The following MYH8 variants were observed in gnomAD, a reference collection of about 807,000 sequenced individuals.
The protein encoded by MYH8 is myosin-8.
Under a neutral mutation model 233.2 loss-of-function variants are expected in MYH8, and 168 were observed. That is an observed-to-expected ratio of 0.72 (90% CI 0.64 to 0.82). The LOEUF (loss-of-function observed/expected upper bound fraction) is 0.82, where lower values mean the gene tolerates loss of function less well. MYH8 is among the 40% of genes least tolerant of loss of function. The pLI, the probability that MYH8 is intolerant of heterozygous loss-of-function variation, is 0.00. For synonymous variants in MYH8, 785 were observed against 850.6 expected (o/e 0.92, Z 1.34); for missense variants, 1,995 against 2,327.8 (o/e 0.86, Z 2.94).
Position 10,404,544 on chromosome 17 carries a change from A to G in MYH8, c.2474T>C (p.Met825Thr). 6.2e-7 allele frequency: 1 copy of G among 1,614,046 alleles called. No homozygotes were observed. The highest frequency in any genetic ancestry group is 8.5e-7 in the Non-Finnish European group (1 of 1,179,930). The change falls in exon 22 of 40, where the codon ATG becomes ACG. Residue 825 changes from methionine to threonine, a missense_variant. This residue lies in a region of MYH8 where 1,498 missense variants were observed against 1,680.9 expected (regional missense o/e 0.89). Transcript: ENST00000403437. ...FCIQYNVRAF[M>T]NVKHWPWMKL... The stretch of plus-strand genomic sequence containing the variant: ...CATCCAGGGCCAGTGCTTGACGTTC[A>G]TGAAGGCACGGACATTATACTGGAT...
Position 10,400,734 on chromosome 17 carries a change from A to G in MYH8, c.3391T>C (p.Ser1131Pro), listed in dbSNP as rs1335919613. 1 of 1,613,936 alleles carries G rather than the reference A, an allele frequency of 6.2e-7. No homozygotes were observed. The highest frequency in any genetic ancestry group is 1.1e-5 in the South Asian group (1 of 91,062). ...LGEEIEAERA[S>P]RAKAEKQRSD... ...CGCTGCTTCTCCGCTTTGGCTCGGGACGCCCTCTCTGCCTCGATTTCTTCC... is the reference window on the plus strand; with the variant it reads ...CGCTGCTTCTCCGCTTTGGCTCGGGGCGCCCTCTCTGCCTCGATTTCTTCC... Residue 1131 changes from serine (S) to proline (P), a missense_variant, in exon 27 of 40, where the codon TCC becomes CCC. Transcript: ENST00000403437. This position sits in a 1 kb window ranked among gnomAD's most constrained non-coding sequence, Gnocchi z 4.0.
In MYH8 at chr17:10,415,618, T is replaced by C. The variant is rs1339730387; in HGVS notation, c.540-38A>G. 6.2e-7 allele frequency: 1 copy of C among 1,613,678 alleles called. No homozygotes were observed. Among genetic ancestry groups the C allele is most frequent in the Non-Finnish European group, 8.5e-7 (1 of 1,179,560 alleles). ...AATCAGAGAAGAGATCAGAGAACTA[T>C]GGCCTGCATTGTCAACATCTAAGAC... On this transcript the variant is annotated intron_variant, in intron 6 of 39. Coordinates refer to ENST00000403437, the MANE Select transcript of MYH8 (RefSeq NM_002472.3). This position sits in a 1 kb window ranked among gnomAD's most constrained non-coding sequence, Gnocchi z 4.1.
chr17:10,398,743 C>CA (rs2072103492), intron 29 of MYH8, 25 bp downstream of exon 29: 1 of 1,613,688 alleles, frequency 6.2e-7, no homozygotes, highest in Non-Finnish European at 8.5e-7. Flanking sequence ...TTTGGTTAGT[C>CA]AAAAAAATCC....
At chr17:10,404,052 T>C (rs891472368) in intron 22 of MYH8, among the ~76,000 whole-genome samples, 1 of 152,200 alleles carries the variant, frequency 6.6e-6, no homozygotes, top group Admixed American at 6.5e-5. Context: ...GGGTAAAATA[T>C]TTGACTGAGA....
chr17:10,393,990 G>GTTTTTTT (rs2072053973), intron 35 of MYH8, among the ~76,000 whole-genome samples: 1 of 57,032 alleles, frequency 1.8e-5, no homozygotes, highest in African/African-American at 7.5e-5. Context: ...AAAAGTAATA[G>GTTTTTTT]CTTTTTTTTT....
At position 10,406,770 on chromosome 17, in the gene MYH8, C is replaced by A. The variant is rs145148429; in HGVS notation, c.2091G>T (p.Arg697Ser). Reference protein sequence around the residue: ...MEHELVLHQLRCNGVLEGIRI... With the variant: ...MEHELVLHQLSCNGVLEGIRI... ...GGATGCCTTCCAGCACACCATTACA[C>A]CTCAGCTGGTGCAACACAAGTTCAT... is the stretch of plus-strand genomic sequence containing the variant. The change falls in exon 19 of 40, where the codon AGG becomes AGT. Residue 697 changes from arginine (R) to serine (S), a missense_variant. By Grantham distance (110) the Arg-to-Ser change is moderately radical. This residue lies in a region of MYH8 where 1,498 missense variants were observed against 1,680.9 expected (regional missense o/e 0.89). Transcript: ENST00000403437. 2.8e-5 allele frequency: 45 copies of A among 1,614,158 alleles called. No individual in the cohort carries two copies. In the African/African-American group the frequency reaches 6.0e-4, roughly 22 times the overall value.
rs1377164657 is a variant in MYH8 at position 10,400,498 on chromosome 17, C to G, written c.3627G>C (p.Gln1209His). ...HADSMAELGE[Q>H]IDNLQRVKQK... ...GTTTGACCCGCTGCAAGTTGTCAAT[C>G]TGCTCCCCAAGCTCAGCCATACTGT... The change falls in exon 27 of 40, where the codon CAG (glutamine) becomes CAC (histidine). Residue 1209 changes from glutamine (Q) to histidine (H), a missense_variant. Physicochemically the swap from Gln to His is conservative, Grantham distance 24. Coordinates refer to ENST00000403437, the MANE Select transcript of MYH8 (RefSeq NM_002472.3). This position sits in a 1 kb window ranked among gnomAD's most constrained non-coding sequence, Gnocchi z 4.0. The G allele has an allele frequency of 6.2e-7, 1 of 1,614,222 alleles. No homozygotes were observed. Among genetic ancestry groups the G allele is most frequent in the Non-Finnish European group, 8.5e-7 (1 of 1,180,036 alleles).
In MYH8 at chr17:10,406,668, A is replaced by G. The variant is rs558308719; in HGVS notation, c.2171+22T>C. On this transcript the variant is annotated intron_variant, in intron 19 of 39. Transcript: ENST00000403437. ...TACATACTAATTCACAGTGTTAATG[A>G]AATACATCAAAGAAGACTGACCTTT... 8 of 1,587,338 alleles carry G rather than the reference A, an allele frequency of 5.0e-6. No individual in the cohort carries two copies. In the African/African-American group the frequency reaches 1.1e-4, roughly 21 times the overall value.
chr17:10,412,816 A>G (rs2072256374), intron 12 of MYH8, 88 bp from the exon 13 acceptor site: 1 of 1,228,002 alleles, frequency 8.1e-7, no homozygotes, highest in African/African-American at 1.5e-5. Flanking sequence ...TCAATCTATT[A>G]TTTAAATAAA....
In MYH8 at chr17:10,420,274, C is replaced by A. The variant is rs562918986; in HGVS notation, c.-30-17G>T. 4 of 1,594,938 alleles carry A rather than the reference C, an allele frequency of 2.5e-6. No homozygotes were observed. Among genetic ancestry groups the A allele is most frequent in the Middle Eastern group, 4.4e-4 (2 of 4,502 alleles). ...GGATTCTGCCTAGGGAGGAGAGAAA[C>A]GGGAGAGAGAGATATAAAAAGCAGA... On this transcript the variant is annotated splice_polypyrimidine_tract_variant and intron_variant, in intron 2 of 39. Coordinates refer to ENST00000403437, the MANE Select transcript of MYH8 (RefSeq NM_002472.3).
At position 10,390,554 on chromosome 17, in the gene MYH8, T is replaced by G. The variant is rs777135750; in HGVS notation, c.5714A>C (p.Glu1905Ala). The change falls in exon 40 of 40, where the codon GAG (glutamate) becomes GCG (alanine). Residue 1905 changes from glutamate (E) to alanine (A), a missense_variant. Transcript: ENST00000403437. ...AGCCCGTTCCTCGGCCTCCTCCAGC[T>G]CATGCTGGAGTTTGCGGAATTTAGA... ...NLSKFRKLQH[E>A]LEEAEERADI... The G allele has an allele frequency of 3.1e-6, 5 of 1,614,050 alleles. No homozygotes were observed. In the South Asian group the frequency reaches 5.5e-5, roughly 18 times the overall value.
At chr17:10,391,356 C>A (rs559954185) in intron 39 of MYH8, among the ~76,000 whole-genome samples, 89 of 152,178 alleles carry the variant, frequency 5.8e-4, no homozygotes, top group Admixed American at 4.9e-3. Flanking sequence ...TAGAACTTGC[C>A]CCCCTCAACC....
At chr17:10,392,460 G>A (rs2072034766) in intron 38 of MYH8, 82 bp downstream of exon 38, 4 of 1,205,646 alleles carry the variant, frequency 3.3e-6, no homozygotes, top group Non-Finnish European at 5.0e-6. Flanking sequence ...GTTTGTGAGT[G>A]GCATATAAAT....
chr17:10,392,611 C>G lies in MYH8; in HGVS notation c.5499G>C (p.Gln1833His). The G allele has an allele frequency of 1.9e-6, 3 of 1,614,150 alleles. No homozygotes were observed. The highest frequency in any genetic ancestry group is 2.5e-6 in the Non-Finnish European group (3 of 1,180,022). Residue 1833 changes from glutamine (Q) to histidine (H), a missense_variant, in exon 38 of 40, where the codon CAG becomes CAC. This residue lies in a region of MYH8 where 1,498 missense variants were observed against 1,680.9 expected (regional missense o/e 0.89). Coordinates refer to ENST00000403437, the MANE Select transcript of MYH8 (RefSeq NM_002472.3). ...RELEGEVENE[Q>H]KRNAEAVKGL... ...CTTTAACAGCCTCTGCATTACGTTT[C>G]TGTTCATTTTCAACCTCTCCTTCAA...
chr17:10,401,715 G>T lies in MYH8; in HGVS notation c.2759C>A (p.Ala920Asp), dbSNP rs746012879. Residue 920 changes from alanine (A) to aspartate (D), a missense_variant, in exon 23 of 40, where the codon GCC (alanine) becomes GAC (aspartate). By Grantham distance (126) the Ala-to-Asp change is moderately radical. Around this residue, in one of 3 missense-constraint regions of MYH8, gnomAD observed 1,498 missense variants for 1,680.9 expected, o/e 0.89. Transcript: ENST00000403437. ...TCTTTCAGTCACCTCTTTGATTTTG[G>T]CCTCAAGTTGGATTTTGTTTTTAAT... is the stretch of plus-strand genomic sequence containing the variant. ...QLIKNKIQLEAKIKEVTERAE... is the reference protein window; with the variant it reads ...QLIKNKIQLEDKIKEVTERAE... 3 of 1,613,868 alleles carry T rather than the reference G, an allele frequency of 1.9e-6. No individual in the cohort carries two copies. The highest frequency in any genetic ancestry group is 2.5e-6 in the Non-Finnish European group (3 of 1,180,034).
At position 10,415,130 on chromosome 17, in the gene MYH8, G is replaced by T; in HGVS notation, c.791C>A (p.Ala264Asp). Reference sequence around the variant, plus strand: ...CTGTTACTCACATGTTTCTATATCAGCAGATGCCAGCTTCCCTGTAGTACC... The same window carrying T: ...CTGTTACTCACATGTTTCTATATCATCAGATGCCAGCTTCCCTGTAGTACC... ...HFGTTGKLAS[A>D]DIETYLLEKS... Residue 264 changes from alanine to aspartate, a missense_variant, in exon 9 of 40, where the codon GCT becomes GAT. This residue lies in a region of MYH8 where 479 missense variants were observed against 600.9 expected (regional missense o/e 0.80). Transcript: ENST00000403437. This position sits in a 1 kb window ranked among gnomAD's most constrained non-coding sequence, Gnocchi z 4.1. The T allele has an allele frequency of 6.2e-7, 1 of 1,612,834 alleles. No homozygotes were observed. The highest frequency in any genetic ancestry group is 8.5e-7 in the Non-Finnish European group (1 of 1,178,816).
Position 10,420,031 on chromosome 17 carries a change from G to A in MYH8, c.197C>T (p.Thr66Ile), listed in dbSNP as rs2072322394. The part of the protein sequence containing the change: ...SKEGGKVTVK[T>I]EGGATLTVRE... Reference sequence around the variant, plus strand: ...GTTTTCACTTACTGCTCCACCTTCAGTCTTTACGGTTACTTTCCCTCCTTC... The same window carrying A: ...GTTTTCACTTACTGCTCCACCTTCAATCTTTACGGTTACTTTCCCTCCTTC... The change falls in exon 3 of 40, where the codon ACT becomes ATT. Residue 66 changes from threonine to isoleucine, a missense_variant. Physicochemically the swap from Thr to Ile is moderately conservative, Grantham distance 89. Transcript: ENST00000403437. The A allele has an allele frequency of 6.2e-7, 1 of 1,614,012 alleles. No individual in the cohort carries two copies. Among genetic ancestry groups the A allele is most frequent in the Non-Finnish European group, 8.5e-7 (1 of 1,179,976 alleles).
In MYH8 at chr17:10,410,793, A is replaced by G. The variant is rs748690722; in HGVS notation, c.1571T>C (p.Ile524Thr). The change falls in exon 15 of 40, where the codon ATT becomes ACT. Residue 524 changes from isoleucine to threonine, a missense_variant. By Grantham distance (89) the Ile-to-Thr change is moderately conservative. Around this residue, in one of 3 missense-constraint regions of MYH8, gnomAD observed 1,498 missense variants for 1,680.9 expected, o/e 0.89. Coordinates refer to ENST00000403437, the MANE Select transcript of MYH8 (RefSeq NM_002472.3). ...IDFGMDLAAC[I>T]ELIEKPLGIF... ...CAAACCGACCTTCTCAATGAGCTCA[A>G]TGCAGGCAGCCAGGTCCATCCCAAA... 1.2e-6 allele frequency: 2 copies of G among 1,613,950 alleles called. No homozygotes were observed. Among genetic ancestry groups the G allele is most frequent in the South Asian group, 2.2e-5 (2 of 91,054 alleles).
At chr17:10,407,101 T>C in intron 17 of MYH8, 122 bp from the exon 18 acceptor site, 1 of 784,134 alleles carries the variant, frequency 1.3e-6, no homozygotes, top group Non-Finnish European at 2.2e-6. Context: ...AGGCTTCAAT[T>C]GCTCTGTATT....
Sources: allele counts gnomAD v4.1 joint callset (sites outside exome capture counted in the v4.1 genomes callset), GRCh38; gene constraint gnomAD v4.1.1; regional missense constraint gnomAD v4.1.1; non-coding constraint Gnocchi (gnomAD v3.1); transcripts MANE v1.5; gene names NCBI Gene and HGNC (gene_info 2026-07-23, HGNC 2026-07-21).